Variants in DDR2 observed in about 807,000 individuals in gnomAD.
The protein encoded by DDR2 is discoidin domain-containing receptor 2.
In DDR2, 27 loss-of-function variants were observed where a neutral mutation model predicts 94.9. That is an observed-to-expected ratio of 0.28 (90% CI 0.21 to 0.39). The LOEUF is 0.39. Among genes scored for constraint, DDR2 ranks in the 10% least tolerant of loss-of-function variants. The pLI is 1.00. For missense variants in DDR2, 783 were observed against 1,076.0 expected (o/e 0.73, Z 3.81); for synonymous variants, 382 against 377.2 (o/e 1.01, Z -0.15).
intron 1 of DDR2, among the ~76,000 whole-genome samples, chr1:162,651,698 A>G (rs1657700650): frequency 6.6e-6 from 1 of 152,222 alleles, no homozygotes; most frequent in Non-Finnish European, 1.5e-5. Flanking sequence ...TTATTAAGCT[A>G]TTAAAACAAT....
chr1:162,648,104 A>G (rs1295852818), intron 1 of DDR2, among the ~76,000 whole-genome samples: 1 of 151,510 alleles, frequency 6.6e-6, no homozygotes, highest in Non-Finnish European at 1.5e-5. Flanking sequence ...ATTTAATAAG[A>G]CATAGTCCTT....
At chr1:162,733,534 A>G (rs1217002624) in intron 3 of DDR2, among the ~76,000 whole-genome samples, 1 of 152,146 alleles carries the variant, frequency 6.6e-6, no homozygotes, top group Non-Finnish European at 1.5e-5. Context: ...TAATGTGACT[A>G]TTGCTGATTT....
chr1:162,712,855 A>G (rs1427376462), intron 2 of DDR2, among the ~76,000 whole-genome samples: 4 of 152,164 alleles, frequency 2.6e-5, no homozygotes, highest in Admixed American at 2.6e-4. Flanking sequence ...TTAGTGACCC[A>G]AGCAAGTCAA....
At chr1:162,658,331 C>T (rs1275082688) in intron 2 of DDR2, among the ~76,000 whole-genome samples, 2 of 152,150 alleles carry the variant, frequency 1.3e-5, no homozygotes, top group Non-Finnish European at 2.9e-5. Flanking sequence ...GTCTGCTTGT[C>T]ACAGAATGGA....
intron 1 of DDR2, among the ~76,000 whole-genome samples, chr1:162,648,083 AAG>A (rs1345253090): frequency 2.0e-5 from 3 of 151,714 alleles, no homozygotes; most frequent in Non-Finnish European, 4.4e-5. Context: ...AGTACTTACT[AAG>A]AGTCTTGTAT....
intron 2 of DDR2, among the ~76,000 whole-genome samples, chr1:162,688,838 T>C (rs779872958): frequency 5.3e-5 from 8 of 152,322 alleles, no homozygotes; most frequent in South Asian, 2.1e-4. Context: ...GCTCCCAGTG[T>C]GTCCCTTGGC....
intron 3 of DDR2, among the ~76,000 whole-genome samples, chr1:162,749,428 C>CAT (rs1663062333): frequency 1.3e-5 from 2 of 152,162 alleles, no homozygotes; most frequent in South Asian, 4.1e-4. Context: ...AATTCCTGGA[C>CAT]ATATACACCC....
intron 2 of DDR2, among the ~76,000 whole-genome samples, chr1:162,681,417 T>G (rs1215841863): frequency 6.6e-6 from 1 of 152,194 alleles, no homozygotes; most frequent in African/African-American, 2.4e-5. Context: ...TTTCATTAAT[T>G]AGGCCACTCA....
chr1:162,675,015 G>A (rs563775387), intron 2 of DDR2, among the ~76,000 whole-genome samples: 11 of 152,158 alleles, frequency 7.2e-5, no homozygotes, highest in Admixed American at 3.9e-4. Context: ...AAAACTAGCC[G>A]GGCATGGTGG....
chr1:162,757,338 G>T (rs1483628862), intron 7 of DDR2, among the ~76,000 whole-genome samples: 1 of 152,158 alleles, frequency 6.6e-6, no homozygotes, highest in Non-Finnish European at 1.5e-5. Flanking sequence ...CCAAAGAATG[G>T]GTAGTACTTT....
chr1:162,750,784 G>T (rs1322920565), intron 3 of DDR2, among the ~76,000 whole-genome samples: 1 of 152,134 alleles, frequency 6.6e-6, no homozygotes, highest in Non-Finnish European at 1.5e-5. Context: ...CATGGTACTG[G>T]TACCAAAACA....
intron 2 of DDR2, among the ~76,000 whole-genome samples, chr1:162,675,398 C>T (rs1236761125): frequency 4.6e-5 from 7 of 152,056 alleles, no homozygotes; most frequent in African/African-American, 7.2e-5. Flanking sequence ...TGTGAGGGGA[C>T]GATGGCGGGA....
chr1:162,694,424 C>T (rs1376883509), intron 2 of DDR2, among the ~76,000 whole-genome samples: 1 of 152,154 alleles, frequency 6.6e-6, no homozygotes, highest in African/African-American at 2.4e-5. Context: ...GGTGCATCTA[C>T]CTGTGGAGTT....
chr1:162,635,246 T>G (rs190390504), intron 1 of DDR2, among the ~76,000 whole-genome samples: 141 of 152,274 alleles, frequency 9.3e-4, no homozygotes, highest in African/African-American at 3.2e-3. Flanking sequence ...TCACACACAG[T>G]GAATTTACTT....
chr1:162,661,918 G>A (rs1211248450), intron 2 of DDR2, among the ~76,000 whole-genome samples: 2 of 152,166 alleles, frequency 1.3e-5, no homozygotes, highest in Non-Finnish European at 2.9e-5. Context: ...CCCTTTGTCT[G>A]CATAGTCCAG....
intron 1 of DDR2, among the ~76,000 whole-genome samples, chr1:162,652,594 G>C (rs978300988): frequency 4.6e-5 from 7 of 152,262 alleles, no homozygotes; most frequent in Middle Eastern, 3.4e-3. Context: ...AGCTCATTTT[G>C]GTTCACAGAC....
At position 162,777,899 on chromosome 1, in the gene DDR2, G is replaced by A. The variant is rs11584445; in HGVS notation, c.2284-681G>A. Reference sequence around the variant, plus strand: ...CACCAGGTTGCCTAAAGAGGGATGAGCCAGCCCAGGTCAGAAACAGAGGAG... The same window carrying A: ...CACCAGGTTGCCTAAAGAGGGATGAACCAGCCCAGGTCAGAAACAGAGGAG... On this transcript the variant is annotated intron_variant, in intron 16 of 17. Coordinates refer to ENST00000367921, the MANE Select transcript of DDR2 (RefSeq NM_006182.4). 731 of 154,454 alleles carry A rather than the reference G, an allele frequency of 4.7e-3. 3 individuals carry two copies. Among genetic ancestry groups the A allele is most frequent in the Non-Finnish European group, 7.6e-3 (531 of 69,624 alleles). The allele number at this position is 154,454 out of a possible 1,614,324, so 9.6% of individuals were successfully genotyped here.
In DDR2 at chr1:162,778,977, G is replaced by T. The variant is rs1383852926; in HGVS notation, c.2433+248G>T. On this transcript the variant is annotated intron_variant, in intron 17 of 17. Transcript: ENST00000367921. Reference sequence around the variant, plus strand: ...AAGGGTCATGTCAGGTTTCTCCCCAGCTCAAAGGTAGCAGGAAACAAAGTC... The same window carrying T: ...AAGGGTCATGTCAGGTTTCTCCCCATCTCAAAGGTAGCAGGAAACAAAGTC... Among the ~76,000 whole-genome samples the T allele has an allele frequency of 1.3e-5, 2 of 152,146 alleles. 1 individual carries two copies. Among genetic ancestry groups the T allele is most frequent in the East Asian group, 3.8e-4 (2 of 5,198 alleles).
At chr1:162,729,302 T>A (rs12566821) in intron 3 of DDR2, among the ~76,000 whole-genome samples, 2,395 of 78,674 alleles carry the variant, frequency 0.03, 17 homozygotes, top group African/African-American at 0.051. Context: ...ATATATATAT[T>A]TTTTTTTTTT....
Sources: gnomAD v4.1 joint callset for allele counts (sites outside exome capture counted in the v4.1 genomes callset) on GRCh38, gnomAD v4.1.1 for gene constraint, MANE v1.5 for transcripts, NCBI Gene and HGNC (gene_info 2026-07-23, HGNC 2026-07-21) for gene names.